Variants in SLC12A3 observed in about 807,000 individuals in gnomAD.
The protein encoded by SLC12A3 is solute carrier family 12 member 3.
Under a neutral mutation model 121.0 loss-of-function variants are expected in SLC12A3, and 104 were observed. The observed-to-expected ratio is 0.86, with a 90% CI of 0.73 to 1.01. SLC12A3 has a LOEUF of 1.01. Among genes scored for constraint, SLC12A3 ranks in the 50% least tolerant of loss-of-function variants. The probability of loss-of-function intolerance (pLI) is 0.00; values close to 1 mark genes in which losing one functional copy is unlikely to be tolerated. For missense variants in SLC12A3, 1,328 were observed against 1,356.3 expected, an observed-to-expected ratio of 0.98 and a Z score of 0.33; for synonymous variants, 536 against 533.4, an observed-to-expected ratio of 1.00 and a Z score of -0.07.
chr16:56,904,132 C>T (rs1488540222), intron 24 of SLC12A3: 8 of 428,000 alleles, frequency 1.9e-5, no homozygotes, highest in African/African-American at 1.6e-4. Context: ...GTTCTCTCTT[C>T]CCTCTACCCT....
At position 56,892,127 on chromosome 16, in the gene SLC12A3, G is replaced by A. The variant is rs758304056; in HGVS notation, c.2413G>A (p.Ala805Thr). The change falls in exon 20 of 26, where the codon GCC becomes ACC. Residue 805 changes from alanine to threonine, a missense_variant. By Grantham distance (58) the Ala-to-Thr change is moderately conservative. Transcript: ENST00000563236. Reference protein sequence around the residue: ...DPAEDGKEASARVDPKALVKE... With the variant: ...DPAEDGKEASTRVDPKALVKE... ...AGCGGAGGACGGGAAGGAAGCCAGC[G>A]CCAGAGGTGCCAGGCCATCAGTCTC... 103 of 1,613,680 alleles carry A rather than the reference G, an allele frequency of 6.4e-5. No individual in the cohort carries two copies. Among genetic ancestry groups the A allele is most frequent in the South Asian group, 4.6e-4 (42 of 91,060 alleles).
At chr16:56,904,326 A>T in intron 24 of SLC12A3, 69 bp from the exon 25 acceptor site, 1 of 1,367,678 alleles carries the variant, frequency 7.3e-7, no homozygotes, top group East Asian at 2.3e-5. Context: ...TAATGAGGCC[A>T]TAGACGTGGT....
intron 23 of SLC12A3, 73 bp downstream of exon 23, chr16:56,899,689 CT>C: frequency 5.5e-6 from 6 of 1,088,214 alleles, no homozygotes; most frequent in Non-Finnish European, 8.6e-6. Context: ...CGGCTGCCCC[CT>C]TTTTCCTTGG....
At chr16:56,892,515 C>G (rs558532531) in intron 20 of SLC12A3, among the ~76,000 whole-genome samples, 1 of 152,104 alleles carries the variant, frequency 6.6e-6, no homozygotes, top group Non-Finnish European at 1.5e-5. Context: ...TCATGGGGAC[C>G]CACCTAGCAG....
intron 14 of SLC12A3, 98 bp from the exon 15 acceptor site, chr16:56,885,167 T>C: frequency 1.2e-6 from 1 of 829,978 alleles, no homozygotes; most frequent in Non-Finnish European, 2.0e-6. Flanking sequence ...GCCCGGTGCC[T>C]AGAGAAGGCC....
At chr16:56,885,166 C>T in intron 14 of SLC12A3, 99 bp from the exon 15 acceptor site, 1 of 823,340 alleles carries the variant, frequency 1.2e-6, no homozygotes, top group Non-Finnish European at 2.0e-6. Context: ...TGCCCGGTGC[C>T]TAGAGAAGGC....
Position 56,869,780 on chromosome 16 carries a change from G to T in SLC12A3, c.557G>T (p.Gly186Val). The change falls in exon 4 of 26, where the codon GGC becomes GTC. Residue 186 changes from glycine (G) to valine (V), a missense_variant. Physicochemically the swap from Gly to Val is moderately radical, Grantham distance 109 (BLOSUM62 -3). Transcript: ENST00000563236. ...TCGGTCACGGTGACCTCCATCACAG[G>T]CCTCTCCATCTCAGCCATCTCCACC... is the stretch of plus-strand genomic sequence containing the variant. ...LLSVTVTSIT[G>V]LSISAISTNG... 1 of 1,614,120 alleles carries T rather than the reference G, an allele frequency of 6.2e-7. No homozygotes were observed. Among genetic ancestry groups the T allele is most frequent in the African/African-American group, 1.3e-5 (1 of 75,034 alleles).
chr16:56,876,701 A>G (rs2055168293), intron 8 of SLC12A3, among the ~76,000 whole-genome samples: 2 of 152,070 alleles, frequency 1.3e-5, no homozygotes, highest in South Asian at 4.1e-4. Context: ...GCCCCCCAAC[A>G]CACTTGACTT....
At position 56,886,936 on chromosome 16, in the gene SLC12A3, G is replaced by T; in HGVS notation, c.2038-17G>T. 3 of 1,612,722 alleles carry T rather than the reference G, an allele frequency of 1.9e-6. No individual in the cohort carries two copies. The highest frequency in any genetic ancestry group is 2.2e-5 in the South Asian group (2 of 91,046). ...GTGAAGGCAGCTGGTGATGTCCCCT[G>T]CCCCTCCCACCCACAGGGACCCCAC... On this transcript the variant is annotated splice_polypyrimidine_tract_variant and intron_variant, in intron 16 of 25. Coordinates refer to ENST00000563236, the MANE Select transcript of SLC12A3 (RefSeq NM_001126108.2).
chr16:56,871,711 C>CTTTATTTA lies in SLC12A3; in HGVS notation c.853-620_853-613dup, dbSNP rs111753122. Among the ~76,000 whole-genome samples, 7 of 152,102 alleles carry CTTTATTTA rather than the reference C, an allele frequency of 4.6e-5. No homozygotes were observed. The East Asian group carries it at 7.7e-4, about 17-fold the overall frequency. On this transcript the variant is annotated intron_variant, in intron 6 of 25. Coordinates refer to ENST00000563236, the MANE Select transcript of SLC12A3 (RefSeq NM_001126108.2). The stretch of plus-strand genomic sequence containing the variant: ...CCCAGTCCCCATCACACTCCCTCTT[C>CTTTATTTA]TTTATTTATTTATTTATTTATTTAT...
At chr16:56,882,156 T>C (rs968625852) in intron 12 of SLC12A3, among the ~76,000 whole-genome samples, 5 of 152,172 alleles carry the variant, frequency 3.3e-5, no homozygotes, top group African/African-American at 1.2e-4. Flanking sequence ...ACTCTCACAC[T>C]GACCCCCACT....
intron 22 of SLC12A3, among the ~76,000 whole-genome samples, chr16:56,898,210 G>A (rs368547610): frequency 6.6e-6 from 1 of 152,162 alleles, no homozygotes; most frequent in African/African-American, 2.4e-5. Flanking sequence ...CAAGGGGTTG[G>A]GGGGAGGGCC....
At chr16:56,909,062 A>G (rs1048326452) in intron 25 of SLC12A3, among the ~76,000 whole-genome samples, 1 of 152,224 alleles carries the variant, frequency 6.6e-6, no homozygotes, top group African/African-American at 2.4e-5. Context: ...TAACAAAAGT[A>G]TTTCCAAGAT....
intron 21 of SLC12A3, 80 bp from the exon 22 acceptor site, chr16:56,894,451 G>A (rs985975416): frequency 1.0e-5 from 10 of 979,882 alleles, no homozygotes; most frequent in Non-Finnish European, 1.6e-5. Flanking sequence ...GTTTGCTAAT[G>A]GCAGAGCGGG....
chr16:56,870,736 G>A lies in SLC12A3; in HGVS notation c.852G>A (p.Lys284=). 6.2e-7 allele frequency: 1 copy of A among 1,601,834 alleles called. No individual in the cohort carries two copies. Among genetic ancestry groups the A allele is most frequent in the Non-Finnish European group, 8.6e-7 (1 of 1,168,886 alleles). ...ISLAGMEWES[K]AQVLFFLVIM... is the part of the protein sequence containing the mutation. ...TGGCTGGCATGGAGTGGGAGTCCAA[G>A]GTGAGGAGGCCATGGAGGAGGGGGA... The change falls in exon 6 of 26, where the codon AAG becomes AAA. Residue 284 remains lysine (K), a splice_region_variant and synonymous_variant. Transcript: ENST00000563236.
At chr16:56,895,774 TATA>T (rs2055454526) in intron 22 of SLC12A3, among the ~76,000 whole-genome samples, 2 of 152,066 alleles carry the variant, frequency 1.3e-5, no homozygotes, top group Non-Finnish European at 2.9e-5. Flanking sequence ...CATGGTAACA[TATA>T]ATTTAAAAAT....
intron 1 of SLC12A3, 95 bp from the exon 2 acceptor site, chr16:56,866,975 G>A (rs1279054589): frequency 6.5e-5 from 100 of 1,540,988 alleles, no homozygotes; most frequent in East Asian, 4.5e-5. Context: ...GGGGGTGCTC[G>A]GTATGGGGCG....
At chr16:56,874,853 G>A (rs2055146395) in intron 8 of SLC12A3, among the ~76,000 whole-genome samples, 1 of 152,170 alleles carries the variant, frequency 6.6e-6, no homozygotes, top group Non-Finnish European at 1.5e-5. Context: ...AGTCGACTGT[G>A]AAGCCAGCGT....
At position 56,892,140 on chromosome 16, in the gene SLC12A3, G is replaced by C. The variant is rs1404908798; in HGVS notation, c.2419+7G>C. On this transcript the variant is annotated splice_region_variant and intron_variant, in intron 20 of 25. Coordinates refer to ENST00000563236, the MANE Select transcript of SLC12A3 (RefSeq NM_001126108.2). ...AAGGAAGCCAGCGCCAGAGGTGCCA[G>C]GCCATCAGTCTCTGGCGCTTGTCAG... 1 of 1,613,646 alleles carries C rather than the reference G, an allele frequency of 6.2e-7. No homozygotes were observed. The highest frequency in any genetic ancestry group is 1.1e-5 in the South Asian group (1 of 91,038).
Sources: allele counts gnomAD v4.1 joint callset (sites outside exome capture counted in the v4.1 genomes callset), GRCh38; gene constraint gnomAD v4.1.1; transcripts MANE v1.5; gene names NCBI Gene and HGNC (gene_info 2026-07-23, HGNC 2026-07-21).